SNED1: variants seen among roughly 807,000 people sequenced by gnomAD.
The protein encoded by SNED1 is sushi, nidogen and EGF-like domain-containing protein 1.
SNED1 carries 81 observed loss-of-function variants against 166.7 expected under a neutral mutation model. The ratio of observed to expected loss-of-function variants is 0.49; its 90% CI spans 0.41 to 0.58. The LOEUF (loss-of-function observed/expected upper bound fraction) is 0.58, where lower values mean the gene tolerates loss of function less well. Among genes scored for constraint, SNED1 ranks in the 20% least tolerant of loss-of-function variants. SNED1 has a pLI of 0.00. For synonymous variants in SNED1, 762 were observed against 822.0 expected (o/e 0.93, Z 1.25); for missense variants, 1,604 against 2,000.2 (o/e 0.80, Z 3.78).
chr2:241,071,347 C>T (rs1350234404), intron 24 of SNED1: 2 of 597,322 alleles, frequency 3.3e-6, no homozygotes, highest in Admixed American at 2.9e-5. Flanking sequence ...ACGCCTGTGT[C>T]ATGGCTGCGC....
chr2:241,035,477 C>T (rs1477585908), intron 4 of SNED1: 1 of 152,268 alleles, frequency 6.6e-6, no homozygotes, highest in Non-Finnish European at 1.5e-5. Flanking sequence ...GAAATCACTG[C>T]TTACACTTGG....
chr2:241,014,254 C>A (rs4676005), intron 1 of SNED1, among the ~76,000 whole-genome samples: 6 of 152,154 alleles, frequency 3.9e-5, no homozygotes, highest in Admixed American at 3.3e-4. Flanking sequence ...GGTGATCTGC[C>A]CACCTCAGCC....
At chr2:241,085,860 CT>C (rs772995766) in intron 29 of SNED1, among the ~76,000 whole-genome samples, 3,562 of 79,084 alleles carry the variant, frequency 0.045, 47 homozygotes, top group East Asian at 0.2. Flanking sequence ...TCTGCGGTTT[CT>C]TTTTTTTTTT....
chr2:241,050,842 C>A (rs941897922), intron 12 of SNED1, among the ~76,000 whole-genome samples: 3 of 152,204 alleles, frequency 2.0e-5, no homozygotes, highest in African/African-American at 4.8e-5. Flanking sequence ...GGGGGTCCTA[C>A]CAGAGCCCAC....
At chr2:241,072,134 A>G (rs2062760584) in intron 26 of SNED1, 1 of 692,744 alleles carries the variant, frequency 1.4e-6, no homozygotes, top group South Asian at 1.5e-5. Flanking sequence ...CTGGTAGGGC[A>G]CGCAAGAGAA....
intron 1 of SNED1, chr2:241,015,873 T>G (rs79266281): frequency 0.017 from 2,583 of 152,586 alleles, 36 homozygotes; most frequent in South Asian, 0.041. Context: ...ATACGATGTG[T>G]GCACTTGTGT....
intron 1 of SNED1, among the ~76,000 whole-genome samples, chr2:241,015,230 C>T (rs932275564): frequency 3.9e-5 from 6 of 152,180 alleles, no homozygotes; most frequent in Non-Finnish European, 5.9e-5. Context: ...CATATTGAGT[C>T]GTGCAATCTA....
intron 11 of SNED1, among the ~76,000 whole-genome samples, chr2:241,049,399 C>A (rs2061760977): frequency 6.6e-6 from 1 of 152,242 alleles, no homozygotes; most frequent in Non-Finnish European, 1.5e-5. Context: ...AGCCCCAACA[C>A]AAGCTATTAA....
chr2:241,073,803 C>T lies in SNED1; in HGVS notation c.3916+439C>T. On this transcript the variant is annotated intron_variant, in intron 27 of 31. Transcript: ENST00000310397. The surrounding 1 kb of genome is among the most constrained non-coding windows in gnomAD (Gnocchi z 6.6). Reference sequence around the variant, plus strand: ...GCCCCAGCTTGAGGACTAGCTGGGCCCTGTGGACACTCAGGTTATGCAGGA... The same window carrying T: ...GCCCCAGCTTGAGGACTAGCTGGGCTCTGTGGACACTCAGGTTATGCAGGA... The T allele has an allele frequency of 3.6e-6, 1 of 278,800 alleles. No individual in the cohort carries two copies. The highest frequency in any genetic ancestry group is 1.1e-4 in the South Asian group (1 of 9,178). The allele number at this position is 278,800 out of a possible 1,614,324, so 17.3% of individuals were successfully genotyped here. A position where few individuals can be genotyped will look rare whatever the true frequency, so the allele number is the denominator to read the frequency against.
intron 17 of SNED1, 59 bp from the exon 18 acceptor site, chr2:241,063,528 G>A (rs1310071984): frequency 1.8e-6 from 2 of 1,085,754 alleles, no homozygotes; most frequent in Non-Finnish European, 2.8e-6. Context: ...GAATCCTGGG[G>A]GCATGTGGGC....
chr2:241,052,474 AGGG>A lies in SNED1; in HGVS notation c.2083+7_2083+9del. ...GGGACGCCGGTGCCAGGCAGGTGAG[AGGG>A]TCAGGGGGATCAAGCAGGGTACATG... On this transcript the variant is annotated splice_region_variant and intron_variant, in intron 15 of 31. Coordinates refer to ENST00000310397, the MANE Select transcript of SNED1 (RefSeq NM_001080437.3). 1.3e-6 allele frequency: 2 copies of A among 1,597,732 alleles called. No individual in the cohort carries two copies. The highest frequency in any genetic ancestry group is 8.6e-7 in the Non-Finnish European group (1 of 1,169,456).
intron 1 of SNED1, among the ~76,000 whole-genome samples, chr2:241,000,306 C>T (rs555008756): frequency 6.6e-6 from 1 of 152,298 alleles, no homozygotes; most frequent in African/African-American, 2.4e-5. Flanking sequence ...CACACCTGCT[C>T]AGGAAGGCCT....
rs544364437 is a variant in SNED1, at chr2:241,063,533, G to A, written c.2372-54G>A. 1.0e-5 allele frequency: 12 copies of A among 1,199,654 alleles called. No homozygotes were observed. The South Asian group carries it at 1.6e-4, about 16-fold the overall frequency. The allele number at this position is 1,199,654 out of a possible 1,614,324, so 74.3% of individuals were successfully genotyped here. A position where few individuals can be genotyped will look rare whatever the true frequency, so the allele number is the denominator to read the frequency against. ...GAAATGCACGGAATCCTGGGGGCATGTGGGCGCCTCAGACTTGAGCCAGCA... is the reference window on the plus strand; with the variant it reads ...GAAATGCACGGAATCCTGGGGGCATATGGGCGCCTCAGACTTGAGCCAGCA... On this transcript the variant is annotated intron_variant, in intron 17 of 31. Coordinates refer to ENST00000310397, the MANE Select transcript of SNED1 (RefSeq NM_001080437.3).
chr2:241,015,816 G>T, intron 1 of SNED1: 1 of 153,232 alleles, frequency 6.5e-6, no homozygotes, highest in Non-Finnish European at 1.5e-5. Flanking sequence ...TGGAACCCTT[G>T]ACTTGTTCCT....
rs1186712467 is a variant in SNED1, at chr2:241,093,747, G to C, written c.*2111G>C. The C allele has an allele frequency of 6.6e-6, 1 of 152,336 alleles. No homozygotes were observed. Among genetic ancestry groups the C allele is most frequent in the Non-Finnish European group, 1.5e-5 (1 of 68,134 alleles). 9.4% of individuals were successfully genotyped at this position (152,336 alleles called of 1,614,324 possible). ...GACTTCCTGGTGCTCAGGAATTACA[G>C]TTCGTTCTTGAAACATTCCAAAGAG... is the stretch of plus-strand genomic sequence containing the variant. On this transcript the variant is annotated 3_prime_UTR_variant, in exon 32 of 32. Transcript: ENST00000310397.
intron 12 of SNED1, 116 bp downstream of exon 12, chr2:241,050,049 G>A (rs772523972): frequency 1.3e-6 from 1 of 779,350 alleles, no homozygotes; most frequent in South Asian, 1.5e-5. Flanking sequence ...ACCTCGTCTA[G>A]AGCCTTGCCT....
chr2:241,057,571 C>T (rs1162379312), intron 16 of SNED1, among the ~76,000 whole-genome samples: 1 of 151,666 alleles, frequency 6.6e-6, no homozygotes, highest in African/African-American at 2.4e-5. Flanking sequence ...GTAGTCCCAA[C>T]TACTCAAGAG....
chr2:241,034,816 G>A (rs2061295491), intron 4 of SNED1, 86 bp downstream of exon 4: 1 of 1,386,486 alleles, frequency 7.2e-7, no homozygotes, highest in Non-Finnish European at 9.7e-7. Context: ...GAAGGGGGCT[G>A]GATGCTGACG....
At chr2:241,049,186 A>G (rs1353658248) in intron 11 of SNED1, 51 bp downstream of exon 11, 20 of 1,437,624 alleles carry the variant, frequency 1.4e-5, no homozygotes, top group Non-Finnish European at 1.9e-5. Flanking sequence ...GACAGAAGCC[A>G]GGGAGAAAGC....
Sources: allele counts gnomAD v4.1 joint callset (sites outside exome capture counted in the v4.1 genomes callset), GRCh38; gene constraint gnomAD v4.1.1; non-coding constraint Gnocchi (gnomAD v3.1); transcripts MANE v1.5; gene names NCBI Gene and HGNC (gene_info 2026-07-23, HGNC 2026-07-21).